CHADL: variants seen among roughly 807,000 people sequenced by gnomAD.
CHADL encodes the protein chondroadherin-like protein.
Under a neutral mutation model 52.1 loss-of-function variants are expected in CHADL, and 48 were observed. The ratio of observed to expected loss-of-function variants is 0.92; its 90% CI spans 0.73 to 1.17. The LOEUF (loss-of-function observed/expected upper bound fraction) is 1.17. Ranked by LOEUF, CHADL falls within the 50% of genes most tolerant of loss-of-function variation. The pLI is 0.00. For synonymous variants in CHADL, 498 were observed against 511.2 expected (o/e 0.97, Z 0.35); for missense variants, 977 against 1,035.1 (o/e 0.94, Z 0.77).
At position 41,238,231 on chromosome 22, in the gene CHADL, G is replaced by A. The variant is rs1414950850; in HGVS notation, c.841C>T (p.His281Tyr). 2 of 1,528,550 alleles carry A rather than the reference G, an allele frequency of 1.3e-6. No homozygotes were observed. The highest frequency in any genetic ancestry group is 8.7e-7 in the Non-Finnish European group (1 of 1,144,482). The allele number at this position is 1,528,550 out of a possible 1,614,324, so 94.7% of individuals were successfully genotyped here. ...TGGTTCCCGCGGAGGTCGAGGGTGT[G>A]CAGGCGCGGACAGTGTGCGAAGGCC... ...PRAFAHCPRL[H>Y]TLDLRGNQLD... The change falls in exon 3 of 6, where the codon CAC becomes TAC. Residue 281 changes from histidine to tyrosine, a missense_variant. Transcript: ENST00000216241. The surrounding 1 kb of genome is among the most constrained non-coding windows in gnomAD (Gnocchi z 4.9).
chr22:41,230,234 C>T, intron 5 of CHADL: 1 of 1,613,726 alleles, frequency 6.2e-7, no homozygotes, highest in Non-Finnish European at 8.5e-7. Context: ...GAACATCAAG[C>T]AGGAAACAGA....
In CHADL at chr22:41,236,543, C is replaced by T; in HGVS notation, c.2004G>A (p.Glu668=). ...LPALPSLSQL[E]LIDLSSNPFH... is the part of the protein sequence containing the mutation. ...AGGGATTGCTGCTGAGGTCGATGAG[C>T]TCCAGCTGGCTGAGACTGGGCAGGG... Residue 668 remains glutamate (E), a synonymous_variant, in exon 4 of 6, where the codon GAG becomes GAA. Coordinates refer to ENST00000216241, the MANE Select transcript of CHADL (RefSeq NM_138481.2). The T allele has an allele frequency of 6.4e-7, 1 of 1,551,452 alleles. No homozygotes were observed. Among genetic ancestry groups the T allele is most frequent in the Non-Finnish European group, 8.7e-7 (1 of 1,146,944 alleles).
chr22:41,239,082 C>T (rs563737101), intron 2 of CHADL, among the ~76,000 whole-genome samples, 197 bp from the exon 3 acceptor site: 16 of 152,348 alleles, frequency 1.1e-4, no homozygotes, highest in Admixed American at 4.6e-4. Flanking sequence ...TCACACTGTG[C>T]TGTCCCTGCC....
chr22:41,230,306 C>T (rs1271106822), intron 5 of CHADL: 6 of 1,244,640 alleles, frequency 4.8e-6, no homozygotes, highest in Non-Finnish European at 5.9e-6. Flanking sequence ...CGTTTCTCTA[C>T]CACCACCACC....
intron 5 of CHADL, among the ~76,000 whole-genome samples, chr22:41,229,952 T>C (rs1237629442): frequency 6.6e-6 from 1 of 152,174 alleles, no homozygotes; most frequent in Non-Finnish European, 1.5e-5. Context: ...GTCGTTGGCA[T>C]AGCCTGCCTG....
chr22:41,240,011 A>G (rs1175028822), intron 1 of CHADL, among the ~76,000 whole-genome samples: 1 of 152,144 alleles, frequency 6.6e-6, no homozygotes, highest in Admixed American at 6.5e-5. Flanking sequence ...GCCAGCTCCC[A>G]GGTGGCAGGA....
chr22:41,229,995 G>T, intron 5 of CHADL: 2 of 696,820 alleles, frequency 2.9e-6, no homozygotes, highest in South Asian at 1.8e-5. Flanking sequence ...TGCTGCCACT[G>T]CCCTCCCAGA....
At position 41,229,563 on chromosome 22, in the gene CHADL, A is replaced by G. The variant is rs778768905; in HGVS notation, c.*141T>C. 13 of 1,612,724 alleles carry G rather than the reference A, an allele frequency of 8.1e-6. No homozygotes were observed. The South Asian group carries it at 1.3e-4, about 16-fold the overall frequency. On this transcript the variant is annotated 3_prime_UTR_variant, in exon 6 of 6. Coordinates refer to ENST00000216241, the MANE Select transcript of CHADL (RefSeq NM_138481.2). ...AGGGAAAAGAATCCCGCCCACTAAG[A>G]CGCGACCCCTCAGACAGGGGTCCAA... is the stretch of plus-strand genomic sequence containing the variant.
rs1187561520 is a variant in CHADL, at chr22:41,238,798, C to G, written c.274G>C (p.Asp92His). Residue 92 changes from aspartate to histidine, a missense_variant, in exon 3 of 6, where the codon GAC (aspartate) becomes CAC (histidine). Coordinates refer to ENST00000216241, the MANE Select transcript of CHADL (RefSeq NM_138481.2). This position sits in a 1 kb window ranked among gnomAD's most constrained non-coding sequence, Gnocchi z 4.9. ...AGCTCCACCTCGCAGTGGCGCAGGT[C>G]CAGGTGTGTGAGGTGAGGCACGCCC... The part of the protein sequence containing the change: ...FQGVPHLTHL[D>H]LRHCEVELVA... 1.3e-6 allele frequency: 2 copies of G among 1,549,638 alleles called. No individual in the cohort carries two copies. Among genetic ancestry groups the G allele is most frequent in the South Asian group, 1.2e-5 (1 of 84,042 alleles).
chr22:41,229,730 C>T lies in CHADL; in HGVS notation c.2263G>A (p.Val755Met). The T allele has an allele frequency of 6.2e-7, 1 of 1,611,392 alleles. No individual in the cohort carries two copies. The highest frequency in any genetic ancestry group is 8.5e-7 in the Non-Finnish European group (1 of 1,179,530). ...CAGAGACGACCCTTCTCCTTCCCCA[C>T]CTGGGCACAGAAGAGTAGAGTCAGG... Reference protein sequence around the residue: ...IKGRQCGADKVGKEKGRL With the variant: ...IKGRQCGADKMGKEKGRL The change falls in exon 6 of 6, where the codon GTG (valine) becomes ATG (methionine). Residue 755 changes from valine (V) to methionine (M), a missense_variant and splice_region_variant. Coordinates refer to ENST00000216241, the MANE Select transcript of CHADL (RefSeq NM_138481.2).
At chr22:41,232,247 ACT>A (rs2032627841) in intron 5 of CHADL, among the ~76,000 whole-genome samples, 1 of 151,282 alleles carries the variant, frequency 6.6e-6, no homozygotes, top group Non-Finnish European at 1.5e-5. Context: ...CAGGAGAATC[ACT>A]TGAACCTGGG....
intron 2 of CHADL, 104 bp downstream of exon 2, chr22:41,239,339 C>A: frequency 9.6e-7 from 1 of 1,046,810 alleles, no homozygotes; most frequent in Non-Finnish European, 1.4e-6. Context: ...CAAGGTCTCC[C>A]GGGCAGGCGG....
chr22:41,232,191 G>A (rs1442752040), intron 5 of CHADL, among the ~76,000 whole-genome samples: 1 of 151,984 alleles, frequency 6.6e-6, no homozygotes, highest in Admixed American at 6.6e-5. Context: ...AATTAGCCGG[G>A]CGTGGTGGCA....
chr22:41,237,367 G>C lies in CHADL; in HGVS notation c.1705C>G (p.Arg569Gly), dbSNP rs1239750700. The C allele has an allele frequency of 1.3e-6, 2 of 1,550,504 alleles. No individual in the cohort carries two copies. The highest frequency in any genetic ancestry group is 1.7e-6 in the Non-Finnish European group (2 of 1,146,962). The change falls in exon 3 of 6, where the codon CGG (arginine) becomes GGG (glycine). Residue 569 changes from arginine (R) to glycine (G), a missense_variant. By Grantham distance (125) the Arg-to-Gly change is moderately radical. Transcript: ENST00000216241. ...EVSLGALGPA[R>G]ELEKLHLDRN... The stretch of plus-strand genomic sequence containing the variant: ...TCCAGGTGCAGCTTCTCCAGCTCCC[G>C]AGCTGGGCCCAGCGCCCCAAGGGAC...
chr22:41,238,566 G>C lies in CHADL; in HGVS notation c.506C>G (p.Ala169Gly). The C allele has an allele frequency of 6.5e-7, 1 of 1,546,418 alleles. No homozygotes were observed. Among genetic ancestry groups the C allele is most frequent in the Non-Finnish European group, 8.7e-7 (1 of 1,146,454 alleles). Residue 169 changes from alanine to glycine, a missense_variant, in exon 3 of 6, where the codon GCC (alanine) becomes GGC (glycine). Coordinates refer to ENST00000216241, the MANE Select transcript of CHADL (RefSeq NM_138481.2). The surrounding 1 kb of genome is among the most constrained non-coding windows in gnomAD (Gnocchi z 4.9). The stretch of plus-strand genomic sequence containing the variant: ...GGCCATGGCGGGCAGGTAAACCAGG[G>C]CGTTGTGGGCCAGGTTTAGCGTGGC... The part of the protein sequence containing the change: ...ALATLNLAHN[A>G]LVYLPAMAFQ...
At position 41,238,811 on chromosome 22, in the gene CHADL, GT is replaced by G; in HGVS notation, c.260del (p.His87ProfsTer77). The G allele has an allele frequency of 6.5e-7, 1 of 1,549,504 alleles. No homozygotes were observed. Among genetic ancestry groups the G allele is most frequent in the Non-Finnish European group, 8.7e-7 (1 of 1,146,536 alleles). Reference sequence around the variant, plus strand: ...AGTGGCGCAGGTCCAGGTGTGTGAGGTGAGGCACGCCCTGGAAGGCGGCTGC... The same window carrying G: ...AGTGGCGCAGGTCCAGGTGTGTGAGGGAGGCACGCCCTGGAAGGCGGCTGC... ...IPAAAFQGVPHLTHLDLRHCE... is the reference protein window; with the variant it reads ...IPAAAFQGVPXLTHLDLRHCE... On this transcript the variant is annotated frameshift_variant, in exon 3 of 6. Transcript: ENST00000216241. LOFTEE classifies it high-confidence loss of function. The surrounding 1 kb of genome is among the most constrained non-coding windows in gnomAD (Gnocchi z 4.9).
intron 4 of CHADL, among the ~76,000 whole-genome samples, 156 bp from the exon 5 acceptor site, chr22:41,235,499 T>G (rs1027763248): frequency 6.6e-6 from 1 of 152,188 alleles, no homozygotes; most frequent in African/African-American, 2.4e-5. Flanking sequence ...TTGCCAGCTT[T>G]CCTGAGGAGG....
At chr22:41,233,471 A>G (rs1192014521) in intron 5 of CHADL, among the ~76,000 whole-genome samples, 1 of 152,122 alleles carries the variant, frequency 6.6e-6, no homozygotes, top group Non-Finnish European at 1.5e-5. Flanking sequence ...TCAGAAAAAA[A>G]AAGGGGGGGT....
At chr22:41,232,808 T>A (rs2032651874) in intron 5 of CHADL, among the ~76,000 whole-genome samples, 1 of 152,118 alleles carries the variant, frequency 6.6e-6, no homozygotes, top group African/African-American at 2.4e-5. Context: ...CCAGCTCCGC[T>A]TCTACATGAG....
Sources: allele counts gnomAD v4.1 joint callset (sites outside exome capture counted in the v4.1 genomes callset), GRCh38; gene constraint gnomAD v4.1.1; non-coding constraint Gnocchi (gnomAD v3.1); transcripts MANE v1.5; gene names NCBI Gene and HGNC (gene_info 2026-07-23, HGNC 2026-07-21).